Variants in SNX29 observed in about 807,000 individuals in gnomAD.
The protein encoded by SNX29 is sorting nexin-29.
In SNX29, 78 loss-of-function variants were observed where a neutral mutation model predicts 102.1. The ratio of observed to expected loss-of-function variants is 0.76; its 90% CI spans 0.64 to 0.92. The LOEUF (loss-of-function observed/expected upper bound fraction) is 0.92. Among genes scored for constraint, SNX29 ranks in the 40% least tolerant of loss-of-function variants. The pLI is 0.00. For synonymous variants in SNX29, 580 were observed against 414.5 expected (o/e 1.40, Z -4.85); for missense variants, 1,280 against 1,061.7 (o/e 1.21, Z -2.86).
intron 15 of SNX29, among the ~76,000 whole-genome samples, chr16:12,283,929 T>C (rs1183342364): frequency 6.6e-6 from 1 of 152,218 alleles, no homozygotes; most frequent in Non-Finnish European, 1.5e-5. Context: ...ATGCTCAGAA[T>C]TTCTTCTGTA....
intron 16 of SNX29, among the ~76,000 whole-genome samples, chr16:12,389,360 C>A (rs759515184): frequency 6.6e-6 from 1 of 152,130 alleles, no homozygotes; most frequent in Admixed American, 6.5e-5. Flanking sequence ...AATCGAATCA[C>A]GGGGGCGGTT....
chr16:12,336,980 A>C (rs1237983807), intron 15 of SNX29, among the ~76,000 whole-genome samples: 1 of 152,210 alleles, frequency 6.6e-6, no homozygotes, highest in Non-Finnish European at 1.5e-5. Flanking sequence ...CAGACACCAC[A>C]AGAAGCCTTG....
chr16:12,564,613 C>G (rs1043211466), intron 20 of SNX29, among the ~76,000 whole-genome samples: 1 of 151,782 alleles, frequency 6.6e-6, no homozygotes, highest in Non-Finnish European at 1.5e-5. Flanking sequence ...CTGTAACAGA[C>G]CTAGTCCCAG....
chr16:12,520,597 C>G (rs779875186), intron 19 of SNX29, among the ~76,000 whole-genome samples: 2 of 152,134 alleles, frequency 1.3e-5, no homozygotes, highest in South Asian at 4.1e-4. Flanking sequence ...TTTATATACA[C>G]CATGGAATAC....
chr16:12,555,372 GCTCC>G (rs1408958492), intron 20 of SNX29, among the ~76,000 whole-genome samples: 2 of 151,954 alleles, frequency 1.3e-5, no homozygotes, highest in Non-Finnish European at 2.9e-5. Context: ...CCCATGAGGC[GCTCC>G]CTGTCTTTCC....
At chr16:12,104,022 T>G (rs949928370) in intron 11 of SNX29, among the ~76,000 whole-genome samples, 4 of 152,172 alleles carry the variant, frequency 2.6e-5, no homozygotes, top group African/African-American at 9.7e-5. Context: ...TGACCTATAC[T>G]CGATTCAGTT....
Position 12,427,838 on chromosome 16 carries a change from C to A in SNX29, c.2037+24309C>A, listed in dbSNP as rs573270431. On this transcript the variant is annotated intron_variant, in intron 18 of 20. Transcript: ENST00000566228. ...CCATGACTGGGAAGATGCCAGCTGA[C>A]TTGGTGGGAGAAAGGAGAAACCTTC... is the stretch of plus-strand genomic sequence containing the variant. Among the ~76,000 whole-genome samples, 15 of 152,338 alleles carry A rather than the reference C, an allele frequency of 9.8e-5. 1 individual carries two copies. In the South Asian group the frequency reaches 3.1e-3, roughly 32 times the overall value.
chr16:12,234,261 C>T (rs1022645024), intron 14 of SNX29, among the ~76,000 whole-genome samples: 24 of 152,182 alleles, frequency 1.6e-4, no homozygotes, highest in African/African-American at 5.3e-4. Context: ...GTGGCACCTT[C>T]ACGTTTGCAA....
intron 13 of SNX29, among the ~76,000 whole-genome samples, chr16:12,136,795 A>G (rs1037632718): frequency 2.0e-5 from 3 of 152,188 alleles, no homozygotes; most frequent in Non-Finnish European, 2.9e-5. Flanking sequence ...GCTAGAGTGC[A>G]GTGGTGTGAT....
intron 3 of SNX29, among the ~76,000 whole-genome samples, chr16:12,017,769 T>A (rs2056893762): frequency 6.6e-6 from 1 of 152,206 alleles, no homozygotes; most frequent in Non-Finnish European, 1.5e-5. Flanking sequence ...CTTATTTTTT[T>A]TTCAGCTGCA....
In SNX29 at chr16:12,572,161, G is replaced by C. The variant is rs1261495827; in HGVS notation, c.*3532G>C. 4 of 984,814 alleles carry C rather than the reference G, an allele frequency of 4.1e-6. No homozygotes were observed. The highest frequency in any genetic ancestry group is 4.4e-4 in the Middle Eastern group (1 of 2,258). The allele number at this position is 984,814 out of a possible 1,614,324, so 61.0% of individuals were successfully genotyped here. A position where few individuals can be genotyped will look rare whatever the true frequency, so the allele number is the denominator to read the frequency against. Reference sequence around the variant, plus strand: ...TTTGGAGCTTATTAAGATCAATTTTGATAACCATGTAATTTCTTAGAACCA... The same window carrying C: ...TTTGGAGCTTATTAAGATCAATTTTCATAACCATGTAATTTCTTAGAACCA... On this transcript the variant is annotated 3_prime_UTR_variant, in exon 21 of 21. Coordinates refer to ENST00000566228, the MANE Select transcript of SNX29 (RefSeq NM_032167.5).
At chr16:12,187,656 T>G (rs1385464999) in intron 13 of SNX29, among the ~76,000 whole-genome samples, 12 of 152,070 alleles carry the variant, frequency 7.9e-5, no homozygotes, top group Admixed American at 5.2e-4. Flanking sequence ...CATAGTAGTT[T>G]CTCTTGCCTG....
intron 18 of SNX29, among the ~76,000 whole-genome samples, chr16:12,452,609 C>G (rs2086356024): frequency 7.3e-6 from 1 of 137,770 alleles, no homozygotes; most frequent in Admixed American, 7.4e-5. Flanking sequence ...GGAAGTTGCT[C>G]CAATCATTTT....
intron 18 of SNX29, among the ~76,000 whole-genome samples, chr16:12,452,612 A>T (rs578092884): frequency 7.5e-6 from 1 of 133,536 alleles, no homozygotes; most frequent in East Asian, 2.1e-4. Flanking sequence ...AGTTGCTCCA[A>T]TCATTTTCTC....
intron 10 of SNX29, among the ~76,000 whole-genome samples, chr16:12,074,400 A>G (rs1298795539): frequency 3.3e-5 from 5 of 151,870 alleles, no homozygotes; most frequent in Non-Finnish European, 7.4e-5. Context: ...GCTTGTCTGT[A>G]AAGTATTTTA....
intron 20 of SNX29, among the ~76,000 whole-genome samples, chr16:12,530,466 CTT>C (rs2076901632): frequency 6.6e-6 from 1 of 152,088 alleles, no homozygotes; most frequent in Admixed American, 6.5e-5. Context: ...ACTGTCAAGT[CTT>C]TTGTGTAACT....
chr16:12,483,360 C>G (rs1194678963), intron 19 of SNX29, among the ~76,000 whole-genome samples: 4 of 148,866 alleles, frequency 2.7e-5, no homozygotes, highest in Non-Finnish European at 4.4e-5. Flanking sequence ...CTCTATCACC[C>G]AGGCTGGAGT....
At chr16:12,017,981 C>G (rs951056128) in intron 3 of SNX29, among the ~76,000 whole-genome samples, 3 of 152,146 alleles carry the variant, frequency 2.0e-5, no homozygotes, top group Non-Finnish European at 4.4e-5. Context: ...TCTTGGCTCA[C>G]TGCAACCCCA....
chr16:12,122,874 T>C (rs953993406), intron 11 of SNX29, among the ~76,000 whole-genome samples: 1 of 152,168 alleles, frequency 6.6e-6, no homozygotes, highest in Non-Finnish European at 1.5e-5. Flanking sequence ...TCACCCAGAC[T>C]GGAGTGTGGT....
Sources: gnomAD v4.1 joint callset for allele counts (sites outside exome capture counted in the v4.1 genomes callset) on GRCh38, gnomAD v4.1.1 for gene constraint, MANE v1.5 for transcripts, NCBI Gene and HGNC (gene_info 2026-07-23, HGNC 2026-07-21) for gene names.